Variants in NOVA1 observed in about 807,000 individuals in gnomAD.
NOVA1 encodes RNA-binding protein Nova-1.
NOVA1 carries 7 observed loss-of-function variants against 38.0 expected under a neutral mutation model. The observed-to-expected ratio is 0.18, with a 90% CI of 0.10 to 0.35. The LOEUF (loss-of-function observed/expected upper bound fraction) is 0.35. Among genes scored for constraint, NOVA1 ranks in the 10% least tolerant of loss-of-function variants. The probability of loss-of-function intolerance (pLI) is 1.00; values close to 1 mark genes in which losing one functional copy is unlikely to be tolerated. For missense variants in NOVA1, 460 were observed against 616.0 expected, an observed-to-expected ratio of 0.75 and a Z score of 2.68; for synonymous variants, 270 against 232.5, an observed-to-expected ratio of 1.16 and a Z score of -1.47.
chr14:26,486,601 TG>T (rs1885913725), intron 2 of NOVA1, among the ~76,000 whole-genome samples: 1 of 138,600 alleles, frequency 7.2e-6, no homozygotes. Flanking sequence ...CCTAGCTACT[TG>T]GGAGGCTGAG....
chr14:26,521,038 C>A (rs1432422395), intron 2 of NOVA1, among the ~76,000 whole-genome samples: 1 of 151,900 alleles, frequency 6.6e-6, no homozygotes, highest in African/African-American at 2.4e-5. Context: ...TAAATTCTAT[C>A]CATATCAAAA....
intron 2 of NOVA1, among the ~76,000 whole-genome samples, chr14:26,575,787 A>T (rs1892803174): frequency 6.6e-6 from 1 of 152,036 alleles, no homozygotes. Flanking sequence ...AATTATTTCA[A>T]ATATTTTATT....
At chr14:26,453,667 A>C (rs1223151401) in intron 4 of NOVA1, among the ~76,000 whole-genome samples, 1 of 152,074 alleles carries the variant, frequency 6.6e-6, no homozygotes, top group African/African-American at 2.4e-5. Context: ...ACAAATAAGA[A>C]CTCCAACTCA....
intron 2 of NOVA1, among the ~76,000 whole-genome samples, chr14:26,527,562 G>C (rs577625176): frequency 6.6e-6 from 1 of 152,142 alleles, no homozygotes; most frequent in African/African-American, 2.4e-5. Flanking sequence ...TCAAGGATAT[G>C]TGTGCTCTTG....
chr14:26,531,445 T>C (rs1388019009), intron 2 of NOVA1, among the ~76,000 whole-genome samples: 1 of 151,990 alleles, frequency 6.6e-6, no homozygotes, highest in Admixed American at 6.6e-5. Context: ...CCGTCTCTAC[T>C]AAAAATACAA....
rs1324463896 is a variant in NOVA1 at position 26,597,595 on chromosome 14, A to G, written c.-159T>C. On this transcript the variant is annotated 5_prime_UTR_variant, in exon 1 of 5. Transcript: ENST00000539517. ...CAATATAAATCTCTTTAGGAAAAAA[A>G]GCAATGTTGCTGGTTTGTTCTCACT... is the stretch of plus-strand genomic sequence containing the variant. 8.2e-7 allele frequency: 1 copy of G among 1,216,334 alleles called. No individual in the cohort carries two copies. 75.3% of individuals were successfully genotyped at this position (1,216,334 alleles called of 1,614,324 possible). A position where few individuals can be genotyped will look rare whatever the true frequency, so the allele number is the denominator to read the frequency against.
At chr14:26,554,437 T>C (rs1394473358) in intron 2 of NOVA1, among the ~76,000 whole-genome samples, 3 of 152,122 alleles carry the variant, frequency 2.0e-5, no homozygotes, top group African/African-American at 4.8e-5. Context: ...TCCAACACTC[T>C]ATAATCTCCT....
intron 3 of NOVA1, among the ~76,000 whole-genome samples, chr14:26,477,824 T>A (rs1443591432): frequency 6.6e-6 from 1 of 151,980 alleles, no homozygotes; most frequent in African/African-American, 2.4e-5. Context: ...GTCTGACTGA[T>A]TTATAATATT....
chr14:26,566,574 C>G (rs1272672913), intron 2 of NOVA1, among the ~76,000 whole-genome samples: 1 of 152,076 alleles, frequency 6.6e-6, no homozygotes, highest in East Asian at 1.9e-4. Context: ...TACTATTTCA[C>G]TACATCTTCC....
chr14:26,556,345 C>T (rs754182627), intron 2 of NOVA1, among the ~76,000 whole-genome samples: 8 of 152,100 alleles, frequency 5.3e-5, no homozygotes, highest in Non-Finnish European at 7.4e-5. Context: ...AACAAACCCA[C>T]ATCAACATAG....
rs148464127 is a variant in NOVA1 at position 26,526,131 on chromosome 14, G to A, written c.281-45988C>T. Among the ~76,000 whole-genome samples, 401 of 151,986 alleles carry A rather than the reference G, an allele frequency of 2.6e-3. 2 individuals carry two copies. The highest frequency in any genetic ancestry group is 9.4e-3 in the African/African-American group (388 of 41,462). ...TACTCAATGGAAAGTCTCTCAATAC[G>A]CTAATAAATAAGAGATTAAACTCAT... On this transcript the variant is annotated intron_variant, in intron 2 of 4. Transcript: ENST00000539517.
At chr14:26,581,782 T>C (rs1311164238) in intron 2 of NOVA1, among the ~76,000 whole-genome samples, 1 of 151,908 alleles carries the variant, frequency 6.6e-6, no homozygotes. Context: ...TGAACTCAAA[T>C]TTATACACAA....
In NOVA1 at chr14:26,444,972, T is replaced by C. The variant is rs2138533360; in HGVS notation, c.*2987A>G. The C allele has an allele frequency of 6.6e-6, 1 of 152,194 alleles. No homozygotes were observed. The highest frequency in any genetic ancestry group is 1.5e-5 in the Non-Finnish European group (1 of 68,020). The allele number at this position is 152,194 out of a possible 1,614,324, so 9.4% of individuals were successfully genotyped here. On this transcript the variant is annotated 3_prime_UTR_variant, in exon 5 of 5. Transcript: ENST00000539517. ...CTTGGATCTAGAATGAGGTGTCCAA[T>C]CTGTATGATAAACAGCACACTGTGT...
chr14:26,451,072 G>A (rs1009193093), intron 4 of NOVA1, among the ~76,000 whole-genome samples: 6 of 152,012 alleles, frequency 3.9e-5, no homozygotes, highest in Non-Finnish European at 5.9e-5. Context: ...CACAAGAAAA[G>A]TACAGAAAAG....
intron 2 of NOVA1, among the ~76,000 whole-genome samples, chr14:26,508,582 T>C (rs574473808): frequency 4.0e-5 from 6 of 149,640 alleles, no homozygotes; most frequent in African/African-American, 1.5e-4. Flanking sequence ...ACACACCATT[T>C]ATCCGCATAC....
chr14:26,510,603 A>G (rs974132496), intron 2 of NOVA1, among the ~76,000 whole-genome samples: 2 of 152,142 alleles, frequency 1.3e-5, no homozygotes, highest in Non-Finnish European at 2.9e-5. Context: ...AAAGACAAAT[A>G]AAGATTATGG....
At chr14:26,459,164 G>A (rs1883445999) in intron 4 of NOVA1, among the ~76,000 whole-genome samples, 1 of 152,040 alleles carries the variant, frequency 6.6e-6, no homozygotes, top group Admixed American at 6.6e-5. Flanking sequence ...TCTATTCATG[G>A]TTAGTTCCCT....
chr14:26,478,110 A>G (rs1430078844), intron 3 of NOVA1, among the ~76,000 whole-genome samples: 1 of 151,942 alleles, frequency 6.6e-6, no homozygotes, highest in Non-Finnish European at 1.5e-5. Context: ...TTTTATACTT[A>G]TCTTGAAGTT....
At chr14:26,576,640 G>A (rs1352238513) in intron 2 of NOVA1, among the ~76,000 whole-genome samples, 1 of 151,276 alleles carries the variant, frequency 6.6e-6, no homozygotes, top group Non-Finnish European at 1.5e-5. Context: ...ACCTGATAAG[G>A]TATACATTTT....
Sources: allele counts gnomAD v4.1 joint callset (sites outside exome capture counted in the v4.1 genomes callset), GRCh38; gene constraint gnomAD v4.1.1; transcripts MANE v1.5; gene names NCBI Gene and HGNC (gene_info 2026-07-23, HGNC 2026-07-21).